The following ERCC6 variants were observed in gnomAD, a reference collection of about 807,000 sequenced individuals.
ERCC6 encodes the protein DNA excision repair protein ERCC-6.
In ERCC6, 116 loss-of-function variants were observed where a neutral mutation model predicts 158.7. The observed-to-expected ratio is 0.73, with a 90% CI of 0.63 to 0.85. The LOEUF (loss-of-function observed/expected upper bound fraction) is 0.85, where lower values mean the gene tolerates loss of function less well. Ranked by LOEUF, ERCC6 falls within the 40% of genes least tolerant of loss-of-function variation. The pLI, the probability that ERCC6 is intolerant of heterozygous loss-of-function variation, is 0.00. For synonymous variants in ERCC6, 678 were observed against 659.3 expected (o/e 1.03, Z -0.43); for missense variants, 1,698 against 1,799.4 (o/e 0.94, Z 1.02).
At chr10:49,536,307 G>GA (rs1837597439) in intron 1 of ERCC6, among the ~76,000 whole-genome samples, 1 of 152,088 alleles carries the variant, frequency 6.6e-6, no homozygotes. Context: ...TGGGGGTAGG[G>GA]AGAGAACTAG....
At chr10:49,447,479 A>G in the ERCC6 span, among the ~76,000 whole-genome samples, 1 of 152,146 alleles carries the variant, frequency 6.6e-6, no homozygotes, top group East Asian at 1.9e-4. Flanking sequence ...CAAGGTCAGG[A>G]GATCGAGACC....
At chr10:49,526,426 TTGTC>T (rs757621118) in intron 4 of ERCC6, among the ~76,000 whole-genome samples, 3 of 152,014 alleles carry the variant, frequency 2.0e-5, no homozygotes, top group South Asian at 2.1e-4. Context: ...CCATTTTTGT[TTGTC>T]TGTTTCTTTA....
rs41555612 is a variant in ERCC6, at chr10:49,471,089, C to T, written c.2956G>A (p.Val986Met). 1 of 1,613,924 alleles carries T rather than the reference C, an allele frequency of 6.2e-7. No individual in the cohort carries two copies. Among genetic ancestry groups the T allele is most frequent in the Non-Finnish European group, 8.5e-7 (1 of 1,179,982 alleles). Residue 986 changes from valine (V) to methionine (M), a missense_variant, in exon 17 of 21, where the codon GTG becomes ATG. Transcript: ENST00000355832. ...CGCCTTTGTTTTGGGTCTTTTAGCA[C>T]TCTATTTGTCAAAAACTGCTTGAAG... Reference protein sequence around the residue: ...QIFKQFLTNRVLKDPKQRRFF... With the variant: ...QIFKQFLTNRMLKDPKQRRFF...
Position 49,472,930 on chromosome 10 carries a change from C to A in ERCC6, c.2808G>T (p.Trp936Cys), listed in dbSNP as rs1445224925. 3.1e-6 allele frequency: 5 copies of A among 1,613,978 alleles called. No homozygotes were observed. The highest frequency in any genetic ancestry group is 3.4e-6 in the Non-Finnish European group (4 of 1,180,030). Residue 936 changes from tryptophan to cysteine, a missense_variant, in exon 15 of 21, where the codon TGG becomes TGT. Trp to Cys is a radical substitution (Grantham distance 215, BLOSUM62 -2). Transcript: ENST00000355832. ...AAACCTGCGTGTCCGTGCTTGGGTT[C>A]CAGTCTGGGTCATAGATGACAACTC... ...ANRVVIYDPD[W>C]NPSTDTQARE...
chr10:49,470,392 C>T lies in ERCC6; in HGVS notation c.3568G>A (p.Val1190Met), dbSNP rs780843888. The change falls in exon 18 of 21, where the codon GTG (valine) becomes ATG (methionine). Residue 1190 changes from valine (V) to methionine (M), a missense_variant. Val to Met is a conservative substitution (Grantham distance 21, BLOSUM62 1). Coordinates refer to ENST00000355832, the MANE Select transcript of ERCC6 (RefSeq NM_000124.4). Reference sequence around the variant, plus strand: ...TTCTCCAGGGTCTCTTCTTCTGCCACACTATGATGTTTTGTTTTTGACTTG... The same window carrying T: ...TTCTCCAGGGTCTCTTCTTCTGCCATACTATGATGTTTTGTTTTTGACTTG... ...KHKSKTKHHS[V>M]AEEETLEKHL... 1 of 1,614,158 alleles carries T rather than the reference C, an allele frequency of 6.2e-7. No individual in the cohort carries two copies. The highest frequency in any genetic ancestry group is 8.5e-7 in the Non-Finnish European group (1 of 1,180,022).
chr10:49,517,114 T>C lies in ERCC6; in HGVS notation c.1397+6919A>G, dbSNP rs749060162. 43 of 1,588,384 alleles carry C rather than the reference T, an allele frequency of 2.7e-5. No homozygotes were observed. The South Asian group carries it at 4.1e-4, about 15-fold the overall frequency. On this transcript the variant is annotated intron_variant, in intron 5 of 20. Transcript: ENST00000355832. Reference sequence around the variant, plus strand: ...TCATGTAAACTTAGTGTTCGAGGCATCTTGGGACTAAAACGGAAAAAAGGT... The same window carrying C: ...TCATGTAAACTTAGTGTTCGAGGCACCTTGGGACTAAAACGGAAAAAAGGT...
rs4253233 is a variant in ERCC6 at position 49,458,697 on chromosome 10, T to C, written c.*118A>G. On this transcript the variant is annotated 3_prime_UTR_variant, in exon 21 of 21. Coordinates refer to ENST00000355832, the MANE Select transcript of ERCC6 (RefSeq NM_000124.4). The stretch of plus-strand genomic sequence containing the variant: ...AGTTTTAATTCTGAGGTAGACATCA[T>C]GCAAACAAACATCAAGTGCAGCCAA... The C allele has an allele frequency of 2.0e-6, 2 of 996,720 alleles. No individual in the cohort carries two copies. The highest frequency in any genetic ancestry group is 3.1e-6 in the Non-Finnish European group (2 of 645,170). 61.7% of individuals were successfully genotyped at this position (996,720 alleles called of 1,614,324 possible).
chr10:49,516,938 G>A (rs749872100), intron 5 of ERCC6: 2 of 1,614,072 alleles, frequency 1.2e-6, no homozygotes, highest in East Asian at 2.2e-5. Context: ...ACGCAGCTGT[G>A]TGCAACAAAG....
At chr10:49,514,854 T>C (rs1457294064) in intron 5 of ERCC6, among the ~76,000 whole-genome samples, 3 of 152,218 alleles carry the variant, frequency 2.0e-5, no homozygotes, top group Non-Finnish European at 2.9e-5. Flanking sequence ...ATTTGCTAAA[T>C]TGAGATACTT....
intron 8 of ERCC6, among the ~76,000 whole-genome samples, chr10:49,483,990 G>GA (rs1851031315): frequency 6.6e-6 from 1 of 151,928 alleles, no homozygotes; most frequent in South Asian, 2.1e-4. Flanking sequence ...TAAAATGATA[G>GA]AAAAAAAGCC....
chr10:49,465,114 C>T (rs879589045), intron 18 of ERCC6, among the ~76,000 whole-genome samples: 1 of 152,210 alleles, frequency 6.6e-6, no homozygotes, highest in Non-Finnish European at 1.5e-5. Flanking sequence ...GGGGGCTATA[C>T]CCTGCAAAGC....
downstream of ERCC6, among the ~76,000 whole-genome samples, chr10:49,454,459 TC>T (rs1850454719): frequency 6.6e-6 from 1 of 152,226 alleles, no homozygotes; most frequent in South Asian, 2.1e-4. Flanking sequence ...GACTCACTGT[TC>T]TTACCAAGAT....
chr10:49,511,432 T>A (rs1836816253), intron 5 of ERCC6, among the ~76,000 whole-genome samples: 1 of 151,682 alleles, frequency 6.6e-6, no homozygotes, highest in African/African-American at 2.4e-5. Context: ...TTTTACTTTT[T>A]TTTTTTTTTT....
At chr10:49,446,752 T>C in the ERCC6 span, among the ~76,000 whole-genome samples, 1 of 152,220 alleles carries the variant, frequency 6.6e-6, no homozygotes, top group Non-Finnish European at 1.5e-5. Context: ...CAGTGAGCTA[T>C]GATCTGAGCT....
At chr10:49,538,177 TCCC>T (rs1837647298) in intron 1 of ERCC6, among the ~76,000 whole-genome samples, 1 of 152,160 alleles carries the variant, frequency 6.6e-6, no homozygotes, top group Non-Finnish European at 1.5e-5. Flanking sequence ...TTCACCGTCC[TCCC>T]CCATCACTGG....
In ERCC6 at chr10:49,455,035, T is replaced by C. The variant is rs1262026919; in HGVS notation, c.*3780A>G. Among the ~76,000 whole-genome samples the C allele has an allele frequency of 2.6e-5, 4 of 151,346 alleles. No individual in the cohort carries two copies. The highest frequency in any genetic ancestry group is 4.8e-5 in the African/African-American group (2 of 41,278). ...CCCTAGCTAGGGAATGGTTCTTAAA[T>C]AAACAAAAAAAAATGGAAAGACTGA... is the stretch of plus-strand genomic sequence containing the variant. On this transcript the variant is annotated 3_prime_UTR_variant, in exon 21 of 21. Transcript: ENST00000355832.
intron 2 of ERCC6, 78 bp downstream of exon 2, chr10:49,532,465 A>G: frequency 6.3e-7 from 1 of 1,595,600 alleles, no homozygotes; most frequent in Non-Finnish European, 8.5e-7. Context: ...CTTCTGGAAT[A>G]CTAGAGCTTT....
intron 5 of ERCC6, among the ~76,000 whole-genome samples, chr10:49,513,617 T>C (rs1836863777): frequency 6.6e-6 from 1 of 152,144 alleles, no homozygotes; most frequent in African/African-American, 2.4e-5. Context: ...AAGGGCACCT[T>C]CTTCACAAGG....
At chr10:49,500,459 A>G (rs1487359535) in intron 7 of ERCC6, 79 bp downstream of exon 7, 4 of 1,482,210 alleles carry the variant, frequency 2.7e-6, no homozygotes, top group African/African-American at 1.4e-5. Context: ...ATAATTCACA[A>G]GACCCTCCTC....
Sources: allele counts gnomAD v4.1 joint callset (sites outside exome capture counted in the v4.1 genomes callset), GRCh38; gene constraint gnomAD v4.1.1; transcripts MANE v1.5; gene names NCBI Gene and HGNC (gene_info 2026-07-23, HGNC 2026-07-21).